TRPS1: variants seen among roughly 807,000 people sequenced by gnomAD.
The protein encoded by TRPS1 is transcriptional repressor GATA binding 1, also known as zinc finger transcription factor Trps1.
In TRPS1, 6 loss-of-function variants were observed where a neutral mutation model predicts 101.2. The ratio of observed to expected loss-of-function variants is 0.06; its 90% CI spans 0.03 to 0.12. The LOEUF (loss-of-function observed/expected upper bound fraction) is 0.12, where lower values mean the gene tolerates loss of function less well. Ranked by LOEUF, TRPS1 falls within the 10% of genes least tolerant of loss-of-function variation. The probability of loss-of-function intolerance (pLI) is 1.00; values close to 1 mark genes in which losing one functional copy is unlikely to be tolerated. For synonymous variants in TRPS1, 578 were observed against 589.8 expected (o/e 0.98, Z 0.29); for missense variants, 1,363 against 1,567.0 (o/e 0.87, Z 2.20).
At chr8:115,662,873 A>C (rs1811837817) in intron 1 of TRPS1, among the ~76,000 whole-genome samples, 1 of 152,050 alleles carries the variant, frequency 6.6e-6, no homozygotes, top group Non-Finnish European at 1.5e-5. Flanking sequence ...CTGCACATAA[A>C]AATGATTAAT....
intron 5 of TRPS1, among the ~76,000 whole-genome samples, chr8:115,457,922 T>A (rs1814068404): frequency 6.6e-6 from 1 of 152,136 alleles, no homozygotes; most frequent in South Asian, 2.1e-4. Context: ...GTCTGTGTGT[T>A]AGGTGTAGAC....
At chr8:115,429,989 G>C (rs1813280433) in intron 5 of TRPS1, among the ~76,000 whole-genome samples, 1 of 152,036 alleles carries the variant, frequency 6.6e-6, no homozygotes, top group African/African-American at 2.4e-5. Context: ...AAGATATTTT[G>C]AAAAAGGATT....
At chr8:115,513,944 A>G (rs990283005) in intron 5 of TRPS1, among the ~76,000 whole-genome samples, 2 of 151,730 alleles carry the variant, frequency 1.3e-5, no homozygotes, top group African/African-American at 4.8e-5. Flanking sequence ...ATGGTACACA[A>G]AGGCTTCTCT....
intron 5 of TRPS1, among the ~76,000 whole-genome samples, chr8:115,526,443 A>T (rs1816001689): frequency 6.6e-6 from 1 of 152,164 alleles, no homozygotes; most frequent in Admixed American, 6.6e-5. Context: ...AATATATTTT[A>T]AAAAACAGTA....
rs1172194319 is a variant in TRPS1, at chr8:115,414,738, T to C, written c.3170A>G (p.Glu1057Gly). The part of the protein sequence containing the change: ...PLHIQIKSPQ[E>G]STGDPGNSSS... ...ACTATTTCCTGGATCTCCAGTACTTTCCTGAGGACTTTTTATCTGAATGTG... is the reference window on the plus strand; with the variant it reads ...ACTATTTCCTGGATCTCCAGTACTTCCCTGAGGACTTTTTATCTGAATGTG... The change falls in exon 7 of 7, where the codon GAA (glutamate) becomes GGA (glycine). Residue 1057 changes from glutamate to glycine, a missense_variant. Around this residue, in one of 5 missense-constraint regions of TRPS1, gnomAD observed 307 missense variants for 392.4 expected, o/e 0.78. Transcript: ENST00000395715. The surrounding 1 kb of genome is among the most constrained non-coding windows in gnomAD (Gnocchi z 4.8). 6.2e-7 allele frequency: 1 copy of C among 1,614,098 alleles called. No individual in the cohort carries two copies. The highest frequency in any genetic ancestry group is 8.5e-7 in the Non-Finnish European group (1 of 1,179,958).
intron 1 of TRPS1, 59 bp from the exon 2 acceptor site, chr8:115,623,817 G>T: frequency 7.3e-7 from 1 of 1,376,430 alleles, no homozygotes; most frequent in Non-Finnish European, 9.5e-7. Context: ...ATATTTTCAT[G>T]TATCACACCT....
At chr8:115,627,593 A>C (rs904735326) in intron 1 of TRPS1, among the ~76,000 whole-genome samples, 17 of 151,824 alleles carry the variant, frequency 1.1e-4, no homozygotes, top group African/African-American at 3.9e-4. Context: ...TTAGATTTTC[A>C]CTCATAACAA....
intron 5 of TRPS1, among the ~76,000 whole-genome samples, chr8:115,454,913 G>T (rs1813978354): frequency 6.6e-6 from 1 of 151,990 alleles, no homozygotes. Flanking sequence ...ATATATGTGA[G>T]GTCTCTGTAA....
chr8:115,649,231 A>C (rs1273430962), intron 1 of TRPS1, among the ~76,000 whole-genome samples: 2 of 152,206 alleles, frequency 1.3e-5, no homozygotes, highest in African/African-American at 4.8e-5. Flanking sequence ...TTAGGGCCTA[A>C]GGAGAAAGCA....
At position 115,445,893 on chromosome 8, in the gene TRPS1, A is replaced by G. The variant is rs73705200; in HGVS notation, c.2701-27441T>C. Among the ~76,000 whole-genome samples, 1,235 of 152,316 alleles carry G rather than the reference A, an allele frequency of 8.1e-3. 19 individuals carry two copies. The highest frequency in any genetic ancestry group is 0.029 in the African/African-American group (1,186 of 41,564). On this transcript the variant is annotated intron_variant, in intron 5 of 6. Coordinates refer to ENST00000395715, the MANE Select transcript of TRPS1 (RefSeq NM_014112.5). The stretch of plus-strand genomic sequence containing the variant: ...ACATAAAATGTAACACGCCCGTCAA[A>G]ATTTCTGCAGGACACATTTATAGAA...
intron 3 of TRPS1, among the ~76,000 whole-genome samples, chr8:115,618,216 CT>C (rs1235654060): frequency 6.6e-6 from 1 of 152,116 alleles, no homozygotes; most frequent in African/African-American, 2.4e-5. Context: ...TGAAATCCCC[CT>C]GGCCTTATAA....
intron 5 of TRPS1, among the ~76,000 whole-genome samples, chr8:115,545,882 C>T (rs1353964239): frequency 6.6e-6 from 1 of 152,086 alleles, no homozygotes; most frequent in Non-Finnish European, 1.5e-5. Context: ...GAGTGAAATG[C>T]ACACTTTGCA....
intron 1 of TRPS1, chr8:115,667,792 CTG>C (rs1811958625): frequency 6.6e-7 from 1 of 1,509,028 alleles, no homozygotes; most frequent in Non-Finnish European, 8.9e-7. Context: ...AAAGGCAGTC[CTG>C]TGCTGTTTTC....
intron 4 of TRPS1, among the ~76,000 whole-genome samples, chr8:115,602,170 T>C (rs959114376): frequency 6.6e-6 from 1 of 152,056 alleles, no homozygotes. Context: ...TGTGCGCACA[T>C]ACGTGGGTGT....
chr8:115,513,134 T>C (rs1815624728), intron 5 of TRPS1, among the ~76,000 whole-genome samples: 1 of 151,794 alleles, frequency 6.6e-6, no homozygotes. Flanking sequence ...AGTCAGGCAC[T>C]CATAATATTA....
At chr8:115,602,575 A>T (rs1457277229) in intron 4 of TRPS1, among the ~76,000 whole-genome samples, 3 of 152,160 alleles carry the variant, frequency 2.0e-5, no homozygotes, top group Non-Finnish European at 4.4e-5. Flanking sequence ...ATGCCCTTCA[A>T]ATTAACATCT....
Position 115,587,090 on chromosome 8 carries a change from C to T in TRPS1, c.2611G>A (p.Ala871Thr). 1 of 1,614,146 alleles carries T rather than the reference C, an allele frequency of 6.2e-7. No individual in the cohort carries two copies. The highest frequency in any genetic ancestry group is 1.3e-5 in the African/African-American group (1 of 75,074). ...ETKGFLQGAP[A>T]GGEKSGALPQ... is the part of the protein sequence containing the mutation. Reference sequence around the variant, plus strand: ...AGGGCCCCAGACTTCTCTCCGCCAGCTGGCGCCCCCTGCAGGAATCCCTTG... The same window carrying T: ...AGGGCCCCAGACTTCTCTCCGCCAGTTGGCGCCCCCTGCAGGAATCCCTTG... The change falls in exon 5 of 7, where the codon GCT becomes ACT. Residue 871 changes from alanine (A) to threonine (T), a missense_variant. Coordinates refer to ENST00000395715, the MANE Select transcript of TRPS1 (RefSeq NM_014112.5).
chr8:115,569,878 G>T (rs1013734684), intron 5 of TRPS1, among the ~76,000 whole-genome samples: 6 of 151,886 alleles, frequency 4.0e-5, no homozygotes, highest in African/African-American at 1.2e-4. Context: ...GACTGATTAA[G>T]TTCAACCAAA....
intron 5 of TRPS1, among the ~76,000 whole-genome samples, chr8:115,575,250 T>A (rs781756711): frequency 9.9e-5 from 15 of 152,120 alleles, no homozygotes; most frequent in Admixed American, 3.3e-4. Context: ...GGACAACTAG[T>A]ACAACATATA....
Sources: allele counts gnomAD v4.1 joint callset (sites outside exome capture counted in the v4.1 genomes callset), GRCh38; gene constraint gnomAD v4.1.1; regional missense constraint gnomAD v4.1.1; non-coding constraint Gnocchi (gnomAD v3.1); transcripts MANE v1.5; gene names NCBI Gene and HGNC (gene_info 2026-07-23, HGNC 2026-07-21).